Variants in SPATA18 observed in about 807,000 individuals in gnomAD.
SPATA18 encodes the protein mitochondria-eating protein.
A neutral mutation model predicts 68.1 loss-of-function variants in SPATA18; 54 were observed. The observed-to-expected ratio is 0.79, with a 90% CI of 0.64 to 0.99. SPATA18 has a LOEUF of 0.99. Among genes scored for constraint, SPATA18 ranks in the 50% least tolerant of loss-of-function variants. The pLI is 0.00. For synonymous variants in SPATA18, 242 were observed against 244.8 expected, an observed-to-expected ratio of 0.99 and a Z score of 0.11; for missense variants, 724 against 681.1, an observed-to-expected ratio of 1.06 and a Z score of -0.70.
In SPATA18 at chr4:52,076,774, A is replaced by G; in HGVS notation, c.759-5A>G. ...TTTCCCTGGCTGATTCTCGCTCACC[A>G]ACAGGTCCTCCAGGAGCCGGTCTCC... On this transcript the variant is annotated splice_region_variant and splice_polypyrimidine_tract_variant and intron_variant, in intron 6 of 12. Transcript: ENST00000295213. The G allele has an allele frequency of 6.2e-7, 1 of 1,612,612 alleles. No individual in the cohort carries two copies. Among genetic ancestry groups the G allele is most frequent in the East Asian group, 2.2e-5 (1 of 44,864 alleles).
At chr4:52,061,643 C>T (rs1738866355) in intron 3 of SPATA18, among the ~76,000 whole-genome samples, 1 of 152,028 alleles carries the variant, frequency 6.6e-6, no homozygotes, top group Non-Finnish European at 1.5e-5. Flanking sequence ...GGGTAGGTAT[C>T]TAAACATTTA....
In SPATA18 at chr4:52,083,229, T is replaced by C. The variant is rs1047206568; in HGVS notation, c.1479+719T>C. The C allele has an allele frequency of 4.1e-6, 4 of 985,266 alleles. No homozygotes were observed. In the African/African-American group the frequency reaches 7.0e-5, roughly 17 times the overall value. The allele number at this position is 985,266 out of a possible 1,614,324, so 61.0% of individuals were successfully genotyped here. ...ATGTAGTTTTTACCCCTGCCTTTCCTAGAAAGAGTTAAATGAAGCCCCTTA... is the reference window on the plus strand; with the variant it reads ...ATGTAGTTTTTACCCCTGCCTTTCCCAGAAAGAGTTAAATGAAGCCCCTTA... On this transcript the variant is annotated intron_variant, in intron 10 of 12. Transcript: ENST00000295213.
In SPATA18 at chr4:52,076,941, C is replaced by A. The variant is rs1740415338; in HGVS notation, c.921C>A (p.Ser307Arg). The A allele has an allele frequency of 6.2e-7, 1 of 1,614,192 alleles. No homozygotes were observed. The highest frequency in any genetic ancestry group is 1.1e-5 in the South Asian group (1 of 91,080). ...AGGCTGCCCTCTTGTCCCGGTTCAGCGATTCCTATTCCCAGGCCCGCCTGG... is the reference window on the plus strand; with the variant it reads ...AGGCTGCCCTCTTGTCCCGGTTCAGAGATTCCTATTCCCAGGCCCGCCTGG... ...ARKAALLSRF[S>R]DSYSQARLDA... The change falls in exon 7 of 13, where the codon AGC becomes AGA. Residue 307 changes from serine (S) to arginine (R), a missense_variant. Ser to Arg is a moderately radical substitution (Grantham distance 110). Transcript: ENST00000295213.
intron 5 of SPATA18, among the ~76,000 whole-genome samples, chr4:52,070,979 A>T (rs1739789987): frequency 6.6e-6 from 1 of 152,006 alleles, no homozygotes; most frequent in Non-Finnish European, 1.5e-5. Flanking sequence ...AACACCCACA[A>T]ATCTTAACTA....
intron 11 of SPATA18, among the ~76,000 whole-genome samples, chr4:52,092,878 A>T (rs1249197586): frequency 6.6e-6 from 1 of 152,218 alleles, no homozygotes; most frequent in East Asian, 1.9e-4. Flanking sequence ...CATTATCTTT[A>T]GCAAACTAAC....
chr4:52,061,662 T>C (rs1374614009), intron 3 of SPATA18, among the ~76,000 whole-genome samples: 1 of 152,096 alleles, frequency 6.6e-6, no homozygotes, highest in African/African-American at 2.4e-5. Context: ...TATGTCTCAA[T>C]TTTCTTATTT....
At position 52,096,552 on chromosome 4, in the gene SPATA18, A is replaced by C. The variant is rs1321264686; in HGVS notation, c.*1665A>C. On this transcript the variant is annotated 3_prime_UTR_variant, in exon 13 of 13. Coordinates refer to ENST00000295213, the MANE Select transcript of SPATA18 (RefSeq NM_145263.4). ...TATAATATAAAGCAGAAAAAAAGGC[A>C]ACTTTTAATAAAATAAAATGTATTT... The C allele has an allele frequency of 6.6e-6, 1 of 152,182 alleles. No homozygotes were observed. Among genetic ancestry groups the C allele is most frequent in the African/African-American group, 2.4e-5 (1 of 41,440 alleles). The allele number at this position is 152,182 out of a possible 1,614,324, so 9.4% of individuals were successfully genotyped here. A position where few individuals can be genotyped will look rare whatever the true frequency, so the allele number is the denominator to read the frequency against.
intron 4 of SPATA18, among the ~76,000 whole-genome samples, chr4:52,066,482 A>T (rs1046073075): frequency 2.0e-5 from 3 of 152,206 alleles, no homozygotes; most frequent in African/African-American, 7.2e-5. Context: ...AAAAGCCGTT[A>T]GTCTCCTCCT....
intron 3 of SPATA18, among the ~76,000 whole-genome samples, chr4:52,061,533 G>C (rs1418961010): frequency 4.7e-5 from 6 of 127,508 alleles, no homozygotes; most frequent in Non-Finnish European, 1.1e-4. Context: ...CAGAAAGAAA[G>C]CATTTAGTCT....
chr4:52,089,786 A>G (rs979021722), intron 11 of SPATA18, among the ~76,000 whole-genome samples: 1 of 152,200 alleles, frequency 6.6e-6, no homozygotes, highest in Non-Finnish European at 1.5e-5. Flanking sequence ...AGTTTTGTAG[A>G]GGTCTATTAG....
intron 1 of SPATA18, among the ~76,000 whole-genome samples, 169 bp downstream of exon 1, chr4:52,051,960 C>G (rs1038707163): frequency 1.3e-5 from 2 of 152,198 alleles, no homozygotes; most frequent in Non-Finnish European, 2.9e-5. Flanking sequence ...GAAGGAAGGA[C>G]ATGTGTGTAC....
At chr4:52,059,504 C>T (rs1482577303) in intron 1 of SPATA18, among the ~76,000 whole-genome samples, 2 of 152,204 alleles carry the variant, frequency 1.3e-5, no homozygotes, top group African/African-American at 4.8e-5. Flanking sequence ...TTGGCCTCCT[C>T]ATGTTTTGTT....
intron 11 of SPATA18, among the ~76,000 whole-genome samples, chr4:52,085,725 A>G (rs1241159113): frequency 6.6e-6 from 1 of 151,922 alleles, no homozygotes; most frequent in Non-Finnish European, 1.5e-5. Flanking sequence ...TCCTCCCCCA[A>G]ATTATCTGGG....
At chr4:52,062,799 C>T (rs868623008) in intron 4 of SPATA18, among the ~76,000 whole-genome samples, 1 of 152,162 alleles carries the variant, frequency 6.6e-6, no homozygotes, top group Non-Finnish European at 1.5e-5. Flanking sequence ...CCATTATACT[C>T]ATTTAGGGGT....
At chr4:52,083,708 C>A (rs10020253) in intron 10 of SPATA18, among the ~76,000 whole-genome samples, 1 of 150,552 alleles carries the variant, frequency 6.6e-6, no homozygotes, top group African/African-American at 2.4e-5. Flanking sequence ...TGTGCCACTG[C>A]ACTCCAGCCT....
intron 4 of SPATA18, 134 bp downstream of exon 4, chr4:52,062,466 C>G (rs1738955285): frequency 3.2e-6 from 2 of 632,862 alleles, no homozygotes; most frequent in Non-Finnish European, 5.6e-6. Flanking sequence ...GTGTGTGTGT[C>G]TGTGGGCATG....
intron 9 of SPATA18, among the ~76,000 whole-genome samples, chr4:52,080,715 C>T (rs1291322672): frequency 6.6e-6 from 1 of 152,146 alleles, no homozygotes; most frequent in African/African-American, 2.4e-5. Flanking sequence ...AGTTTCTTCT[C>T]TATCCAATGG....
In SPATA18 at chr4:52,096,928, T is replaced by G. The variant is rs941420446; in HGVS notation, c.*2041T>G. 1 of 152,182 alleles carries G rather than the reference T, an allele frequency of 6.6e-6. No homozygotes were observed. The highest frequency in any genetic ancestry group is 1.9e-4 in the East Asian group (1 of 5,200). The allele number at this position is 152,182 out of a possible 1,614,324, so 9.4% of individuals were successfully genotyped here. The stretch of plus-strand genomic sequence containing the variant: ...AGAATGCCTACATATCAGAATTTTT[T>G]TTTTCAGGAGCCAAGCACATATACT... On this transcript the variant is annotated 3_prime_UTR_variant, in exon 13 of 13. Coordinates refer to ENST00000295213, the MANE Select transcript of SPATA18 (RefSeq NM_145263.4).
At chr4:52,055,440 T>C (rs552689737) in intron 1 of SPATA18, among the ~76,000 whole-genome samples, 17 of 152,366 alleles carry the variant, frequency 1.1e-4, no homozygotes, top group African/African-American at 4.1e-4. Flanking sequence ...TTTTTAAAAC[T>C]TACCTACAGG....
Sources: allele counts gnomAD v4.1 joint callset (sites outside exome capture counted in the v4.1 genomes callset), GRCh38; gene constraint gnomAD v4.1.1; transcripts MANE v1.5; gene names NCBI Gene and HGNC (gene_info 2026-07-23, HGNC 2026-07-21).